Variants in ANO10 observed in about 807,000 individuals in gnomAD.
The protein encoded by ANO10 is anoctamin 10.
A neutral mutation model predicts 74.7 loss-of-function variants in ANO10; 77 were observed. That is an observed-to-expected ratio of 1.03 (90% CI 0.86 to 1.25). ANO10 has a LOEUF of 1.25. ANO10 is among the 50% of genes most tolerant of loss of function. The pLI is 0.00. For missense variants in ANO10, 721 were observed against 778.1 expected (o/e 0.93, Z 0.87); for synonymous variants, 279 against 284.9 (o/e 0.98, Z 0.21).
At chr3:43,649,204 T>C (rs188486886) in intron 1 of ANO10, among the ~76,000 whole-genome samples, 1 of 152,338 alleles carries the variant, frequency 6.6e-6, no homozygotes, top group East Asian at 1.9e-4. Flanking sequence ...GTTCATGTCT[T>C]GGCTCCAGAG....
At chr3:43,471,726 T>C (rs754589404) in intron 11 of ANO10, among the ~76,000 whole-genome samples, 5 of 152,192 alleles carry the variant, frequency 3.3e-5, no homozygotes, top group Non-Finnish European at 7.3e-5. Context: ...TAAGCCATGA[T>C]AGTGCCACTG....
chr3:43,562,258 C>T (rs2080076163), intron 8 of ANO10, among the ~76,000 whole-genome samples: 1 of 151,776 alleles, frequency 6.6e-6, no homozygotes, highest in Non-Finnish European at 1.5e-5. Context: ...CGAGACCATC[C>T]TGGCTAACAC....
intron 9 of ANO10, 24 bp from the exon 10 acceptor site, chr3:43,555,493 T>C: frequency 1.2e-6 from 2 of 1,604,800 alleles, no homozygotes; most frequent in Non-Finnish European, 1.7e-6. Flanking sequence ...CAAGCATGCA[T>C]TATTTTAATA....
intron 9 of ANO10, among the ~76,000 whole-genome samples, chr3:43,556,667 T>C (rs1034657400): frequency 2.6e-5 from 4 of 152,112 alleles, no homozygotes; most frequent in Non-Finnish European, 5.9e-5. Flanking sequence ...CAAGACACAA[T>C]CTACCCTATT....
At chr3:43,422,776 C>T (rs1387136171) in intron 12 of ANO10, among the ~76,000 whole-genome samples, 3 of 152,314 alleles carry the variant, frequency 2.0e-5, no homozygotes, top group African/African-American at 2.4e-5. Context: ...ATAAATTTTA[C>T]AGTTTGCTTA....
intron 11 of ANO10, among the ~76,000 whole-genome samples, chr3:43,446,089 G>A (rs1290800209): frequency 6.6e-6 from 1 of 152,170 alleles, no homozygotes; most frequent in South Asian, 2.1e-4. Context: ...AGAATTCTTA[G>A]AGTGGGTGAT....
At chr3:43,403,336 C>T (rs1477849825) in intron 12 of ANO10, among the ~76,000 whole-genome samples, 1 of 152,244 alleles carries the variant, frequency 6.6e-6, no homozygotes, top group Non-Finnish European at 1.5e-5. Context: ...CCTTCCTCCA[C>T]ACTGGAAGCT....
chr3:43,430,038 C>A (rs1050334409), intron 12 of ANO10, among the ~76,000 whole-genome samples: 1 of 152,124 alleles, frequency 6.6e-6, no homozygotes, highest in Non-Finnish European at 1.5e-5. Flanking sequence ...GACAGGCTAT[C>A]ATGACATAAT....
intron 11 of ANO10, among the ~76,000 whole-genome samples, chr3:43,475,947 T>C (rs1159120829): frequency 6.6e-6 from 1 of 152,206 alleles, no homozygotes; most frequent in African/African-American, 2.4e-5. Flanking sequence ...ATGGAATTTA[T>C]GATCTGTTCT....
chr3:43,368,739 T>G (rs2091497871), intron 12 of ANO10, among the ~76,000 whole-genome samples: 1 of 151,200 alleles, frequency 6.6e-6, no homozygotes, highest in African/African-American at 2.4e-5. Context: ...CAGGCTGGAG[T>G]GCAGAGGCGT....
chr3:43,459,535 G>A lies in ANO10; in HGVS notation c.1798-26808C>T, dbSNP rs778918183. Reference sequence around the variant, plus strand: ...ATGACTTGTGGAGAGGAAGGTCCAAGTGCGGAGTGAGGAGAACATGGCCAA... The same window carrying A: ...ATGACTTGTGGAGAGGAAGGTCCAAATGCGGAGTGAGGAGAACATGGCCAA... On this transcript the variant is annotated intron_variant, in intron 11 of 12. Transcript: ENST00000292246. Among the ~76,000 whole-genome samples, 40 of 152,170 alleles carry A rather than the reference G, an allele frequency of 2.6e-4. 1 individual carries two copies. The highest frequency in any genetic ancestry group is 7.4e-5 in the Non-Finnish European group (5 of 68,026).
chr3:43,370,570 G>A, intron 12 of ANO10, among the ~76,000 whole-genome samples: 1 of 149,916 alleles, frequency 6.7e-6, no homozygotes, highest in African/African-American at 2.4e-5. Flanking sequence ...GGGTGGGAGG[G>A]AGCAACAATA....
At chr3:43,390,021 C>T (rs1011001008) in intron 12 of ANO10, among the ~76,000 whole-genome samples, 1 of 152,222 alleles carries the variant, frequency 6.6e-6, no homozygotes, top group African/African-American at 2.4e-5. Context: ...ATGTGCATCA[C>T]CAACAGTCAT....
chr3:43,458,682 G>A (rs1465162377), intron 11 of ANO10, among the ~76,000 whole-genome samples: 5 of 152,206 alleles, frequency 3.3e-5, no homozygotes, highest in Non-Finnish European at 5.9e-5. Flanking sequence ...GGATACATGT[G>A]CTGAACGTGC....
At chr3:43,580,140 C>G (rs1213499262) in intron 5 of ANO10, among the ~76,000 whole-genome samples, 1 of 136,496 alleles carries the variant, frequency 7.3e-6, no homozygotes, top group African/African-American at 2.7e-5. Context: ...GAGACCCTAT[C>G]TCAAAAAAAA....
At chr3:43,488,820 G>A (rs2076603684) in intron 11 of ANO10, among the ~76,000 whole-genome samples, 1 of 152,134 alleles carries the variant, frequency 6.6e-6, no homozygotes, top group Admixed American at 6.5e-5. Context: ...CCATTACTGG[G>A]TATATACCCA....
chr3:43,512,247 A>C (rs2149185566), intron 11 of ANO10, among the ~76,000 whole-genome samples: 1 of 152,216 alleles, frequency 6.6e-6, no homozygotes, highest in South Asian at 2.1e-4. Context: ...ACTGAGAACA[A>C]CTCTAGGCAC....
At chr3:43,494,800 C>T (rs1055751779) in intron 11 of ANO10, among the ~76,000 whole-genome samples, 2 of 152,104 alleles carry the variant, frequency 1.3e-5, no homozygotes, top group Non-Finnish European at 2.9e-5. Context: ...ACAGTGAATA[C>T]GTTTTTAGGA....
At chr3:43,525,799 T>G (rs1028240962) in intron 11 of ANO10, among the ~76,000 whole-genome samples, 1 of 152,184 alleles carries the variant, frequency 6.6e-6, no homozygotes, top group Non-Finnish European at 1.5e-5. Flanking sequence ...TTGTGAGTTT[T>G]CCTCCTTCTG....
Sources: gnomAD v4.1 joint callset for allele counts (sites outside exome capture counted in the v4.1 genomes callset) on GRCh38, gnomAD v4.1.1 for gene constraint, MANE v1.5 for transcripts, NCBI Gene and HGNC (gene_info 2026-07-23, HGNC 2026-07-21) for gene names.